The following KIAA1328 variants were observed in gnomAD, a reference collection of about 807,000 sequenced individuals.
The protein encoded by KIAA1328 is KIAA1328.
In KIAA1328, 52 loss-of-function variants were observed where a neutral mutation model predicts 68.1. The observed-to-expected ratio is 0.76, with a 90% CI of 0.61 to 0.96. The LOEUF is 0.96. KIAA1328 is among the 40% of genes least tolerant of loss of function. The pLI is 0.00. For synonymous variants in KIAA1328, 232 were observed against 239.4 expected (o/e 0.97, Z 0.28); for missense variants, 641 against 677.6 (o/e 0.95, Z 0.60).
intron 4 of KIAA1328, among the ~76,000 whole-genome samples, chr18:36,846,693 G>A (rs2047040734): frequency 6.6e-6 from 1 of 151,192 alleles, no homozygotes; most frequent in Non-Finnish European, 1.5e-5. Context: ...ACATATTCTG[G>A]CACAACATAT....
rs567765891 is a variant in KIAA1328 at position 37,208,654 on chromosome 18, C to T, written c.1524-13363C>T. On this transcript the variant is annotated intron_variant, in intron 9 of 9. Transcript: ENST00000280020. ...AAATGATTCCAGTCCTACCTCTTGA[C>T]CCTGAAATATATAGCACATGTTTAA... Among the ~76,000 whole-genome samples, 22 of 152,218 alleles carry T rather than the reference C, an allele frequency of 1.4e-4. 1 individual carries two copies. The South Asian group carries it at 4.6e-3, about 32-fold the overall frequency.
chr18:37,171,426 G>T (rs1029384794), intron 8 of KIAA1328, among the ~76,000 whole-genome samples: 1 of 152,064 alleles, frequency 6.6e-6, no homozygotes, highest in African/African-American at 2.4e-5. Context: ...TGTTGCCCAG[G>T]CTGGTCTTCA....
intron 5 of KIAA1328, among the ~76,000 whole-genome samples, chr18:36,956,252 T>G (rs1222922827): frequency 6.6e-6 from 1 of 152,202 alleles, no homozygotes; most frequent in Non-Finnish European, 1.5e-5. Context: ...GAAGACTTAT[T>G]TCTTTGAAAA....
chr18:36,985,207 G>A (rs1034825397), intron 6 of KIAA1328, among the ~76,000 whole-genome samples: 1 of 152,110 alleles, frequency 6.6e-6, no homozygotes, highest in Non-Finnish European at 1.5e-5. Flanking sequence ...GGCTGAGGCA[G>A]GAGGATTGCT....
chr18:37,102,950 G>T (rs149691323), intron 7 of KIAA1328, among the ~76,000 whole-genome samples: 6 of 152,020 alleles, frequency 3.9e-5, no homozygotes, highest in African/African-American at 1.5e-4. Context: ...CTACAATAAA[G>T]AATAAAATAC....
intron 5 of KIAA1328, among the ~76,000 whole-genome samples, chr18:36,891,391 G>C (rs999052711): frequency 6.6e-6 from 1 of 151,938 alleles, no homozygotes; most frequent in Non-Finnish European, 1.5e-5. Flanking sequence ...CTGAGATTTT[G>C]GTACACCTGT....
chr18:36,951,286 A>C (rs1464525632), intron 5 of KIAA1328, among the ~76,000 whole-genome samples: 1 of 152,070 alleles, frequency 6.6e-6, no homozygotes, highest in South Asian at 2.1e-4. Context: ...CCTAAAGGAG[A>C]TAGTGTTAGT....
At chr18:36,831,864 G>T (rs991266599) in intron 1 of KIAA1328, among the ~76,000 whole-genome samples, 12 of 151,864 alleles carry the variant, frequency 7.9e-5, no homozygotes, top group Admixed American at 6.6e-4. Context: ...CTTCTGCCTG[G>T]GTTTCTAATT....
intron 6 of KIAA1328, among the ~76,000 whole-genome samples, chr18:37,022,796 G>C (rs964584236): frequency 6.6e-6 from 1 of 152,236 alleles, no homozygotes; most frequent in South Asian, 2.1e-4. Context: ...TCATTAAATT[G>C]TTAAGAAATT....
chr18:36,940,432 G>C (rs1051270970), intron 5 of KIAA1328, among the ~76,000 whole-genome samples: 2 of 152,098 alleles, frequency 1.3e-5, no homozygotes, highest in African/African-American at 4.8e-5. Context: ...ATATAGAAAG[G>C]TTAAACCCAG....
intron 7 of KIAA1328, among the ~76,000 whole-genome samples, chr18:37,106,618 C>T (rs372135566): frequency 5.3e-5 from 8 of 151,984 alleles, no homozygotes; most frequent in African/African-American, 1.4e-4. Flanking sequence ...TGGGTTTCAC[C>T]ATGTTGGCCA....
At chr18:37,090,620 A>T (rs2057239951) in intron 7 of KIAA1328, among the ~76,000 whole-genome samples, 1 of 152,188 alleles carries the variant, frequency 6.6e-6, no homozygotes, top group South Asian at 2.1e-4. Context: ...TTCTTGGCTT[A>T]CCAATGACTG....
intron 3 of KIAA1328, among the ~76,000 whole-genome samples, chr18:36,842,860 T>C (rs1462562070): frequency 3.3e-5 from 5 of 152,064 alleles, no homozygotes; most frequent in African/African-American, 1.2e-4. Flanking sequence ...TCTTGAAACT[T>C]TTTCTTTCTT....
chr18:37,002,228 C>CTTTT (rs145948250), intron 6 of KIAA1328, among the ~76,000 whole-genome samples: 3 of 95,162 alleles, frequency 3.2e-5, no homozygotes, highest in Admixed American at 2.4e-4. Context: ...ATTTTTTTTT[C>CTTTT]TTTTTTTTTT....
chr18:36,957,232 A>G (rs2051456341), intron 5 of KIAA1328, among the ~76,000 whole-genome samples: 1 of 152,206 alleles, frequency 6.6e-6, no homozygotes. Flanking sequence ...TTTGACATTT[A>G]AAAACTAATA....
At chr18:37,036,118 C>A (rs892037423) in intron 6 of KIAA1328, among the ~76,000 whole-genome samples, 1 of 152,118 alleles carries the variant, frequency 6.6e-6, no homozygotes, top group Non-Finnish European at 1.5e-5. Flanking sequence ...AAAAGGGTCA[C>A]CTTATTACGT....
chr18:36,992,875 G>A (rs1178643437), intron 6 of KIAA1328, among the ~76,000 whole-genome samples: 12 of 152,176 alleles, frequency 7.9e-5, no homozygotes, highest in African/African-American at 2.7e-4. Flanking sequence ...AGGCCAAGGC[G>A]AGTGGATCGC....
intron 5 of KIAA1328, among the ~76,000 whole-genome samples, chr18:36,915,825 T>A (rs553560631): frequency 6.6e-6 from 1 of 152,272 alleles, no homozygotes; most frequent in Non-Finnish European, 1.5e-5. Context: ...ATCCCACTCC[T>A]AGGCATTCAT....
At chr18:37,102,236 A>G (rs2057641587) in intron 7 of KIAA1328, among the ~76,000 whole-genome samples, 1 of 152,218 alleles carries the variant, frequency 6.6e-6, no homozygotes, top group Non-Finnish European at 1.5e-5. Context: ...CTGAGAACAC[A>G]TGGACATGTG....
Sources: allele counts gnomAD v4.1 joint callset (sites outside exome capture counted in the v4.1 genomes callset), GRCh38; gene constraint gnomAD v4.1.1; transcripts MANE v1.5; gene names NCBI Gene and HGNC (gene_info 2026-07-23, HGNC 2026-07-21).